RBFOX1: variants seen among roughly 807,000 people sequenced by gnomAD.
The protein encoded by RBFOX1 is RNA binding protein fox-1 homolog 1.
A neutral mutation model predicts 57.7 loss-of-function variants in RBFOX1; 8 were observed. The observed-to-expected ratio is 0.14, with a 90% CI of 0.08 to 0.25. The LOEUF (loss-of-function observed/expected upper bound fraction) is 0.25. Ranked by LOEUF, RBFOX1 falls within the 10% of genes least tolerant of loss-of-function variation. The pLI, the probability that RBFOX1 is intolerant of heterozygous loss-of-function variation, is 1.00. For synonymous variants in RBFOX1, 326 were observed against 222.4 expected (o/e 1.47, Z -4.15); for missense variants, 611 against 548.5 (o/e 1.11, Z -1.14).
chr16:7,175,218 G>A (rs547100052), intron 4 of RBFOX1, among the ~76,000 whole-genome samples: 2 of 151,646 alleles, frequency 1.3e-5, no homozygotes, highest in South Asian at 4.2e-4. Flanking sequence ...GCCCCCAATA[G>A]GCCCCAGTGT....
chr16:6,602,765 A>C (rs957256759), intron 2 of RBFOX1, among the ~76,000 whole-genome samples: 4 of 152,082 alleles, frequency 2.6e-5, no homozygotes, highest in African/African-American at 4.8e-5. Flanking sequence ...CCTTCTGTGC[A>C]TTCCTCTTGC....
chr16:6,984,251 CATAAA>C (rs1476745170), intron 3 of RBFOX1, among the ~76,000 whole-genome samples: 8 of 152,162 alleles, frequency 5.3e-5, no homozygotes, highest in East Asian at 1.9e-4. Context: ...CCATCTTAAA[CATAAA>C]ATAAAATAAT....
intron 3 of RBFOX1, among the ~76,000 whole-genome samples, chr16:5,710,580 T>C (rs1180058653): frequency 6.6e-6 from 1 of 152,214 alleles, no homozygotes; most frequent in East Asian, 1.9e-4. Context: ...TCTTCTCTGA[T>C]TAAGGCTCAC....
rs185736818 is a variant in RBFOX1 at position 6,621,742 on chromosome 16, A to G, written c.-63-32861A>G. Among the ~76,000 whole-genome samples the G allele has an allele frequency of 1.6e-4, 25 of 152,296 alleles. No individual in the cohort carries two copies. The East Asian group carries it at 4.4e-3, about 27-fold the overall frequency. On this transcript the variant is annotated intron_variant, in intron 2 of 15. Coordinates refer to ENST00000550418, the MANE Select transcript of RBFOX1 (RefSeq NM_018723.4). ...TAGCTCTGATCACCTGGCCTGACTC[A>G]CAGATCAACCTTTAGGCTAATCACT...
At position 7,214,087 on chromosome 16, in the gene RBFOX1, A is replaced by AT. The variant is rs1567734398; in HGVS notation, c.27+161989_27+161990insT. On this transcript the variant is annotated intron_variant, in intron 4 of 15. Transcript: ENST00000550418. ...CTGAGCTTGCTATGGAAAAAAAAAA[A>AT]ATTTTTCCACTTCTTTCCCCTGCTA... is the stretch of plus-strand genomic sequence containing the variant. 2.2e-3 allele frequency among the ~76,000 whole-genome samples: 325 copies of AT among 150,454 alleles called. 3 individuals carry two copies. Among genetic ancestry groups the AT allele is most frequent in the African/African-American group, 7.8e-3 (315 of 40,356 alleles).
intron 1 of RBFOX1, among the ~76,000 whole-genome samples, chr16:6,050,991 A>G (rs2095546342): frequency 6.8e-6 from 1 of 146,786 alleles, no homozygotes; most frequent in South Asian, 2.3e-4. Context: ...TGGCTTTCTT[A>G]CTATCTAGTA....
chr16:5,664,740 G>A lies in RBFOX1; in HGVS notation c.318+65779G>A, dbSNP rs145247431. On this transcript the variant is annotated intron_variant, in intron 3 of 19. Transcript: ENST00000641259. Reference sequence around the variant, plus strand: ...GGAAATACTGACTCTTGGTCCACACGGTCCTAATTCCTTTTTGCTTTTTCC... The same window carrying A: ...GGAAATACTGACTCTTGGTCCACACAGTCCTAATTCCTTTTTGCTTTTTCC... Among the ~76,000 whole-genome samples, 540 of 152,208 alleles carry A rather than the reference G, an allele frequency of 3.5e-3. 3 individuals are homozygous for A. The highest frequency in any genetic ancestry group is 0.011 in the African/African-American group (471 of 41,520).
intron 4 of RBFOX1, among the ~76,000 whole-genome samples, chr16:5,969,860 C>G (rs547842754): frequency 1.3e-5 from 2 of 151,882 alleles, no homozygotes; most frequent in African/African-American, 4.8e-5. Context: ...TGTGGATGGT[C>G]CTCCAAGCAA....
chr16:6,802,543 G>T (rs1263981926), intron 3 of RBFOX1, among the ~76,000 whole-genome samples: 1 of 152,128 alleles, frequency 6.6e-6, no homozygotes, highest in Non-Finnish European at 1.5e-5. Context: ...CGGGCATGGT[G>T]GTGCACACCT....
intron 1 of RBFOX1, among the ~76,000 whole-genome samples, chr16:6,166,681 A>G (rs1190229518): frequency 1.3e-5 from 2 of 152,156 alleles, no homozygotes; most frequent in African/African-American, 2.4e-5. Flanking sequence ...CTCTGTCTGT[A>G]TCATAAGCCC....
At chr16:6,931,177 C>T (rs146601841) in intron 3 of RBFOX1, among the ~76,000 whole-genome samples, 71 of 151,806 alleles carry the variant, frequency 4.7e-4, no homozygotes, top group African/African-American at 1.0e-3. Context: ...ACTAGTAATG[C>T]GCTGTGTAGA....
At chr16:6,493,864 A>G (rs1042600539) in intron 2 of RBFOX1, among the ~76,000 whole-genome samples, 5 of 152,192 alleles carry the variant, frequency 3.3e-5, no homozygotes, top group Non-Finnish European at 7.3e-5. Context: ...ATCAGTATAA[A>G]CTATGCAACG....
Position 7,636,726 on chromosome 16 carries a change from C to T in RBFOX1, c.757+6043C>T, listed in dbSNP as rs192635875. 7.1e-4 allele frequency among the ~76,000 whole-genome samples: 108 copies of T among 152,262 alleles called. 1 individual carries two copies. Among genetic ancestry groups the T allele is most frequent in the African/African-American group, 2.5e-3 (103 of 41,548 alleles). ...ATTCATTTTCTCAAAGTTCTGGAGG[C>T]TGGAAGTCCAAGATCAGGGTGCCAA... On this transcript the variant is annotated intron_variant, in intron 11 of 15. Transcript: ENST00000550418.
chr16:6,288,664 C>G (rs1293303469), intron 1 of RBFOX1, among the ~76,000 whole-genome samples: 1 of 152,120 alleles, frequency 6.6e-6, no homozygotes, highest in Non-Finnish European at 1.5e-5. Context: ...CCCAAGAACT[C>G]TGACTTCGAG....
chr16:7,284,360 C>T (rs1288823014), intron 4 of RBFOX1, among the ~76,000 whole-genome samples: 1 of 152,100 alleles, frequency 6.6e-6, no homozygotes. Context: ...ATATAGACTC[C>T]TGCTCTGTAT....
intron 1 of RBFOX1, among the ~76,000 whole-genome samples, chr16:6,233,685 T>C (rs1019905240): frequency 6.6e-6 from 1 of 152,086 alleles, no homozygotes; most frequent in Non-Finnish European, 1.5e-5. Flanking sequence ...CATAGCTCAC[T>C]GCAGCCTCCA....
At chr16:6,636,508 A>C (rs2154066469) in intron 2 of RBFOX1, among the ~76,000 whole-genome samples, 1 of 152,002 alleles carries the variant, frequency 6.6e-6, no homozygotes, top group African/African-American at 2.4e-5. Context: ...TCAACCTTTA[A>C]TAACAATATT....
At chr16:5,981,012 C>G (rs914964939) in intron 4 of RBFOX1, among the ~76,000 whole-genome samples, 1 of 152,208 alleles carries the variant, frequency 6.6e-6, no homozygotes, top group African/African-American at 2.4e-5. Context: ...TCCCTGGGAG[C>G]TCACGGAAAA....
rs191575173 is a variant in RBFOX1 at position 5,497,282 on chromosome 16, C to G, written c.258+30028C>G. On this transcript the variant is annotated intron_variant, in intron 2 of 2. Coordinates refer to the RBFOX1 transcript ENST00000585867. Reference sequence around the variant, plus strand: ...TTTTTTTTCTCAGATAACACAAGCACTTCTCTCATCATGCTGGGTATTGCC... The same window carrying G: ...TTTTTTTTCTCAGATAACACAAGCAGTTCTCTCATCATGCTGGGTATTGCC... Among the ~76,000 whole-genome samples, 6 of 151,376 alleles carry G rather than the reference C, an allele frequency of 4.0e-5. No homozygotes were observed. In the East Asian group the frequency reaches 1.2e-3, roughly 30 times the overall value.
Sources: gnomAD v4.1 joint callset for allele counts (sites outside exome capture counted in the v4.1 genomes callset) on GRCh38, gnomAD v4.1.1 for gene constraint, MANE v1.5 for transcripts, NCBI Gene and HGNC (gene_info 2026-07-23, HGNC 2026-07-21) for gene names.